TAF1A: variants seen among roughly 807,000 people sequenced by gnomAD.
TAF1A encodes TATA-box binding protein associated factor, RNA polymerase I subunit A.
A neutral mutation model predicts 61.6 loss-of-function variants in TAF1A; 42 were observed. The observed-to-expected ratio is 0.68, with a 90% CI of 0.53 to 0.88. The LOEUF is 0.88. Among genes scored for constraint, TAF1A ranks in the 40% least tolerant of loss-of-function variants. The pLI is 0.00. For missense variants in TAF1A, 424 were observed against 518.7 expected, an observed-to-expected ratio of 0.82 and a Z score of 1.77; for synonymous variants, 179 against 177.7, an observed-to-expected ratio of 1.01 and a Z score of -0.06.
At chr1:222,578,871 A>G (rs1424789425) in intron 4 of TAF1A, among the ~76,000 whole-genome samples, 1 of 152,164 alleles carries the variant, frequency 6.6e-6, no homozygotes, top group Non-Finnish European at 1.5e-5. Flanking sequence ...TGTATTATCT[A>G]TCCTAATTAT....
chr1:222,559,013 G>A (rs1011066378), intron 10 of TAF1A, among the ~76,000 whole-genome samples: 1 of 152,024 alleles, frequency 6.6e-6, no homozygotes, highest in Non-Finnish European at 1.5e-5. Context: ...TGTGCCCAAC[G>A]AAACATATTT....
chr1:222,576,319 G>A (rs1272906739), intron 5 of TAF1A, among the ~76,000 whole-genome samples: 4 of 152,090 alleles, frequency 2.6e-5, no homozygotes, highest in South Asian at 4.1e-4. Flanking sequence ...GAAGGGAATC[G>A]AAATTAGTGA....
At chr1:222,589,179 C>T (rs999444354) in intron 1 of TAF1A, among the ~76,000 whole-genome samples, 4 of 152,148 alleles carry the variant, frequency 2.6e-5, no homozygotes, top group Non-Finnish European at 5.9e-5. Flanking sequence ...GAAAAATCAT[C>T]ATAAGCCAAG....
At chr1:222,572,929 C>A (rs916165518) in intron 5 of TAF1A, among the ~76,000 whole-genome samples, 1 of 152,134 alleles carries the variant, frequency 6.6e-6, no homozygotes, top group Admixed American at 6.5e-5. Context: ...TTAAATTAAA[C>A]CTCATCAAAT....
At chr1:222,554,822 T>C (rs772146683), downstream of TAF1A, among the ~76,000 whole-genome samples, 2 of 152,170 alleles carry the variant, frequency 1.3e-5, no homozygotes, top group Non-Finnish European at 2.9e-5. Flanking sequence ...CATTCTTTTA[T>C]TTCTTTTTAT....
chr1:222,562,070 T>C lies in TAF1A; in HGVS notation c.1086-552A>G, dbSNP rs140201164. Reference sequence around the variant, plus strand: ...CCATGAATTACTATCCAAATGGAGATACCATTATTATACAAATACATTAAG... The same window carrying C: ...CCATGAATTACTATCCAAATGGAGACACCATTATTATACAAATACATTAAG... On this transcript the variant is annotated intron_variant, in intron 9 of 10. Coordinates refer to ENST00000352967, the MANE Select transcript of TAF1A (RefSeq NM_005681.4). Among the ~76,000 whole-genome samples, 118 of 152,346 alleles carry C rather than the reference T, an allele frequency of 7.7e-4. 1 individual carries two copies. The East Asian group carries it at 0.018, about 23-fold the overall frequency.
At chr1:222,585,455 TAAAA>T (rs199512248) in intron 2 of TAF1A, among the ~76,000 whole-genome samples, 2 of 137,616 alleles carry the variant, frequency 1.5e-5, no homozygotes, top group African/African-American at 2.7e-5. Context: ...ATAACTTTAT[TAAAA>T]AAAAAAAAAA....
chr1:222,573,948 T>C (rs1444408374), intron 5 of TAF1A, among the ~76,000 whole-genome samples: 1 of 150,244 alleles, frequency 6.7e-6, no homozygotes, highest in Admixed American at 6.7e-5. Flanking sequence ...TGCTATAACA[T>C]TAAAAACATT....
intron 5 of TAF1A, among the ~76,000 whole-genome samples, chr1:222,577,188 G>C (rs1660605313): frequency 6.6e-6 from 1 of 151,490 alleles, no homozygotes. Flanking sequence ...GTCTGGCTGT[G>C]TTTATCCTGG....
chr1:222,573,487 T>C (rs1184126110), intron 5 of TAF1A, among the ~76,000 whole-genome samples: 1 of 152,058 alleles, frequency 6.6e-6, no homozygotes, highest in Non-Finnish European at 1.5e-5. Flanking sequence ...AAATGGCCCA[T>C]AAGCACATGA....
chr1:222,587,216 T>G (rs191941410), intron 2 of TAF1A, among the ~76,000 whole-genome samples: 278 of 152,298 alleles, frequency 1.8e-3, no homozygotes, highest in African/African-American at 6.5e-3. Flanking sequence ...CAACACTCAT[T>G]ATGCATGAGA....
At chr1:222,555,165 G>T (rs1355614253), downstream of TAF1A, among the ~76,000 whole-genome samples, 1 of 152,174 alleles carries the variant, frequency 6.6e-6, no homozygotes, top group Non-Finnish European at 1.5e-5. Flanking sequence ...GAAGAGAAGA[G>T]GAAGCGCTTG....
intron 4 of TAF1A, among the ~76,000 whole-genome samples, chr1:222,578,254 A>T (rs996522957): frequency 6.6e-6 from 1 of 152,236 alleles, no homozygotes; most frequent in African/African-American, 2.4e-5. Flanking sequence ...GACATTAAAG[A>T]GGAGAATAAT....
downstream of TAF1A, among the ~76,000 whole-genome samples, chr1:222,554,328 A>G (rs1659704181): frequency 6.6e-6 from 1 of 152,228 alleles, no homozygotes; most frequent in South Asian, 2.1e-4. Context: ...GGCTACCTTC[A>G]TAACTATGAA....
chr1:222,557,597 C>T (rs77815753), downstream of TAF1A, among the ~76,000 whole-genome samples: 12,999 of 149,606 alleles, frequency 0.087, 1,164 homozygotes, highest in East Asian at 0.28. Context: ...ACTACAAGCG[C>T]GCACCACCAA....
At position 222,584,194 on chromosome 1, in the gene TAF1A, T is replaced by C. The variant is rs970956996; in HGVS notation, c.225A>G (p.Glu75=). The C allele has an allele frequency of 6.2e-7, 1 of 1,613,314 alleles. No homozygotes were observed. The highest frequency in any genetic ancestry group is 1.3e-5 in the African/African-American group (1 of 75,014). The change falls in exon 3 of 11, where the codon GAA becomes GAG. Residue 75 remains glutamate, a synonymous_variant. Coordinates refer to ENST00000352967, the MANE Select transcript of TAF1A (RefSeq NM_005681.4). ...AGGTCTGAAAATAACTGTACATGTA[T>C]TCTGCAGCTTGCTGCCATTGGTGCT... ...LLKHQWQQAA[E]YMYSYFQTLE...
intron 2 of TAF1A, 71 bp downstream of exon 2, chr1:222,588,372 C>T (rs542432343): frequency 1.4e-5 from 22 of 1,533,786 alleles, no homozygotes; most frequent in Admixed American, 2.0e-5. Flanking sequence ...TCTGGTTATT[C>T]ATTTTGTATC....
In TAF1A at chr1:222,567,868, A is replaced by T. The variant is rs1306282195; in HGVS notation, c.894+1642T>A. Among the ~76,000 whole-genome samples the T allele has an allele frequency of 2.0e-5, 3 of 152,218 alleles. No individual in the cohort carries two copies. The East Asian group carries it at 5.8e-4, about 29-fold the overall frequency. On this transcript the variant is annotated intron_variant, in intron 7 of 10. Transcript: ENST00000352967. ...TATTAAGGCCACATGAGATATTACT[A>T]CACACCCACTAGAATGGCAATAACT...
chr1:222,560,308 CTGA>C (rs1659863890), intron 10 of TAF1A, among the ~76,000 whole-genome samples: 2 of 152,162 alleles, frequency 1.3e-5, no homozygotes, highest in African/African-American at 4.8e-5. Flanking sequence ...TAACTGATGC[CTGA>C]TATTTGTAGA....
Sources: allele counts gnomAD v4.1 joint callset (sites outside exome capture counted in the v4.1 genomes callset), GRCh38; gene constraint gnomAD v4.1.1; transcripts MANE v1.5; gene names NCBI Gene and HGNC (gene_info 2026-07-23, HGNC 2026-07-21).